COMMD1: variants seen among roughly 807,000 people sequenced by gnomAD.
COMMD1 encodes copper metabolism domain containing 1.
In COMMD1, 10 loss-of-function variants were observed where a neutral mutation model predicts 17.2. The observed-to-expected ratio is 0.58, with a 90% CI of 0.36 to 0.99. The LOEUF (loss-of-function observed/expected upper bound fraction) is 0.99, where lower values mean the gene tolerates loss of function less well. COMMD1 is among the 50% of genes least tolerant of loss of function. The pLI is 0.01. For synonymous variants in COMMD1, 97 were observed against 91.6 expected (o/e 1.06, Z -0.34); for missense variants, 270 against 231.8 (o/e 1.17, Z -1.07).
chr2:62,029,863 T>A (rs1295102700), intron 2 of COMMD1, among the ~76,000 whole-genome samples: 1 of 152,190 alleles, frequency 6.6e-6, no homozygotes. Context: ...GCCCCAGTGG[T>A]TTGCTGAAAA....
At chr2:62,014,830 G>C (rs992759976) in intron 2 of COMMD1, among the ~76,000 whole-genome samples, 1 of 152,024 alleles carries the variant, frequency 6.6e-6, no homozygotes, top group African/African-American at 2.4e-5. Flanking sequence ...CTCCCAAAGT[G>C]CTGGGATTAC....
At chr2:62,127,446 C>T (rs1429083035) in intron 2 of COMMD1, among the ~76,000 whole-genome samples, 3 of 151,982 alleles carry the variant, frequency 2.0e-5, no homozygotes, top group East Asian at 1.9e-4. Context: ...AGAACAAAGC[C>T]GAAGATATCA....
At chr2:61,950,364 G>C (rs948534162) in intron 1 of COMMD1, among the ~76,000 whole-genome samples, 8 of 152,216 alleles carry the variant, frequency 5.3e-5, no homozygotes, top group Non-Finnish European at 1.2e-4. Flanking sequence ...TCCGATAATA[G>C]GCAGGTTGAT....
chr2:61,981,471 C>T (rs1671950312), intron 1 of COMMD1, among the ~76,000 whole-genome samples: 1 of 152,104 alleles, frequency 6.6e-6, no homozygotes, highest in South Asian at 2.1e-4. Flanking sequence ...GGATTTGTTT[C>T]TGGGTTCTCT....
intron 1 of COMMD1, among the ~76,000 whole-genome samples, chr2:61,926,426 A>G (rs930904957): frequency 1.3e-5 from 2 of 152,238 alleles, no homozygotes; most frequent in African/African-American, 2.4e-5. Flanking sequence ...TAATCTGTCA[A>G]AAGACAAAAT....
At chr2:61,937,615 C>T (rs963038728) in intron 1 of COMMD1, among the ~76,000 whole-genome samples, 8 of 152,076 alleles carry the variant, frequency 5.3e-5, no homozygotes, top group African/African-American at 1.9e-4. Flanking sequence ...AACAAAAAGC[C>T]AAAGGTGAGG....
intron 1 of COMMD1, among the ~76,000 whole-genome samples, chr2:61,953,038 CTTG>C (rs754170137): frequency 6.6e-6 from 1 of 152,170 alleles, no homozygotes. Flanking sequence ...GAGACGGAGT[CTTG>C]TTGTGTTGCC....
intron 1 of COMMD1, among the ~76,000 whole-genome samples, chr2:61,959,092 T>C (rs1248226093): frequency 6.6e-6 from 1 of 152,184 alleles, no homozygotes; most frequent in East Asian, 1.9e-4. Flanking sequence ...CATTTAGTTA[T>C]AAATAGTGAC....
Position 62,023,224 on chromosome 2 carries a change from C to T in COMMD1, c.462+22242C>T, listed in dbSNP as rs544732955. Reference sequence around the variant, plus strand: ...CTGGGCAACAAGAGCAAAACTCTGTCTCAAAAAAAAAAAAAAGCATGAGAA... The same window carrying T: ...CTGGGCAACAAGAGCAAAACTCTGTTTCAAAAAAAAAAAAAAGCATGAGAA... On this transcript the variant is annotated intron_variant, in intron 2 of 2. Transcript: ENST00000311832. 1.7e-3 allele frequency among the ~76,000 whole-genome samples: 242 copies of T among 145,786 alleles called. 1 individual carries two copies. The highest frequency in any genetic ancestry group is 5.8e-3 in the African/African-American group (228 of 39,334).
At chr2:62,061,554 C>CTTTTTTTTTT (rs57638195) in intron 2 of COMMD1, among the ~76,000 whole-genome samples, 11 of 131,524 alleles carry the variant, frequency 8.4e-5, no homozygotes, top group East Asian at 2.2e-4. Flanking sequence ...TCTTTCTTTT[C>CTTTTTTTTTT]TTTTTTTTTT....
At chr2:62,108,973 C>T (rs1672384927) in intron 2 of COMMD1, among the ~76,000 whole-genome samples, 1 of 152,186 alleles carries the variant, frequency 6.6e-6, no homozygotes, top group African/African-American at 2.4e-5. Flanking sequence ...CTGTACTCAG[C>T]ACTTCAGTCC....
At chr2:62,064,394 G>C (rs1041032872) in intron 2 of COMMD1, among the ~76,000 whole-genome samples, 2 of 152,048 alleles carry the variant, frequency 1.3e-5, no homozygotes, top group African/African-American at 4.8e-5. Context: ...GGCTGGTCTC[G>C]AATGCCTGAC....
intron 1 of COMMD1, among the ~76,000 whole-genome samples, chr2:61,907,090 T>G (rs1295748999): frequency 6.6e-6 from 1 of 152,230 alleles, no homozygotes; most frequent in East Asian, 1.9e-4. Flanking sequence ...AAATCACTAG[T>G]GAATGCTTTC....
intron 2 of COMMD1, among the ~76,000 whole-genome samples, chr2:62,109,409 A>G (rs891964931): frequency 4.6e-5 from 7 of 152,230 alleles, no homozygotes; most frequent in African/African-American, 1.7e-4. Flanking sequence ...AGCTACGCCC[A>G]TCTCTTCTCT....
intron 2 of COMMD1, among the ~76,000 whole-genome samples, chr2:62,010,618 G>A (rs1669250972): frequency 6.6e-6 from 1 of 152,030 alleles, no homozygotes; most frequent in African/African-American, 2.4e-5. Flanking sequence ...TCCAAAACCT[G>A]TTCCCCCTGC....
intron 1 of COMMD1, among the ~76,000 whole-genome samples, chr2:61,907,099 T>G (rs1386282194): frequency 6.6e-6 from 1 of 152,182 alleles, no homozygotes; most frequent in African/African-American, 2.4e-5. Context: ...GTGAATGCTT[T>G]CTATTTCTTT....
At chr2:61,920,474 G>A (rs947870810) in intron 1 of COMMD1, among the ~76,000 whole-genome samples, 5 of 151,196 alleles carry the variant, frequency 3.3e-5, no homozygotes, top group African/African-American at 9.7e-5. Context: ...ACATTTCTGA[G>A]TTGGCCAAAA....
intron 1 of COMMD1, among the ~76,000 whole-genome samples, chr2:61,910,847 G>A (rs1669886398): frequency 6.6e-6 from 1 of 152,116 alleles, no homozygotes; most frequent in Non-Finnish European, 1.5e-5. Context: ...ACTTTGGGAG[G>A]CCGGGTCAGG....
At chr2:62,084,498 C>T (rs10184460) in intron 2 of COMMD1, among the ~76,000 whole-genome samples, 1 of 152,064 alleles carries the variant, frequency 6.6e-6, no homozygotes, top group Non-Finnish European at 1.5e-5. Context: ...GAGGAAGAAG[C>T]GTTGATCTTG....
Sources: gnomAD v4.1 joint callset for allele counts (sites outside exome capture counted in the v4.1 genomes callset) on GRCh38, gnomAD v4.1.1 for gene constraint, MANE v1.5 for transcripts, NCBI Gene and HGNC (gene_info 2026-07-23, HGNC 2026-07-21) for gene names.